The following PRH1 variants were observed in gnomAD, a reference collection of about 807,000 sequenced individuals.
PRH1 encodes proline rich protein HaeIII subfamily 1.
PRH1 carries 7 observed loss-of-function variants against 7.9 expected under a neutral mutation model. The ratio of observed to expected loss-of-function variants is 0.89; its 90% CI spans 0.50 to 1.67. PRH1 has a LOEUF of 1.67. PRH1 is among the 40% of genes most tolerant of loss of function. The pLI, the probability that PRH1 is intolerant of heterozygous loss-of-function variation, is 0.00. For synonymous variants in PRH1, 45 were observed against 80.8 expected (o/e 0.56, Z 2.38); for missense variants, 109 against 223.6 (o/e 0.49, Z 3.27).
intron 1 of PRH1, among the ~76,000 whole-genome samples, chr12:11,055,501 C>T (rs1056797069): frequency 1.3e-5 from 2 of 151,044 alleles, no homozygotes; most frequent in South Asian, 2.1e-4. Flanking sequence ...CAAGCAGGAA[C>T]GCACCGGGCC....
At chr12:11,130,640 A>C (rs1054191030) in intron 1 of PRH1, among the ~76,000 whole-genome samples, 5 of 119,166 alleles carry the variant, frequency 4.2e-5, no homozygotes, top group African/African-American at 1.4e-4. Flanking sequence ...GCATTATAGG[A>C]CTCTGTGCAT....
At chr12:10,931,230 T>A in intron 2 of PRH1, 2 of 1,468,908 alleles carry the variant, frequency 1.4e-6, no homozygotes, top group Non-Finnish European at 1.8e-6. Context: ...TGGGATAAGG[T>A]AGCAAGATCT....
chr12:11,146,854 G>C (rs1214304471), intron 1 of PRH1, among the ~76,000 whole-genome samples: 1 of 152,028 alleles, frequency 6.6e-6, no homozygotes, highest in Admixed American at 6.5e-5. Flanking sequence ...CTTATTATAA[G>C]ACAAATTACA....
At chr12:10,891,366 C>A (rs1007120417) in intron 2 of PRH1, 5 of 152,108 alleles carry the variant, frequency 3.3e-5, no homozygotes, top group Admixed American at 2.6e-4. Context: ...GAGAAGACAG[C>A]TAAATCTAAA....
chr12:11,110,267 T>A (rs1463897301), intron 1 of PRH1, among the ~76,000 whole-genome samples: 2 of 152,114 alleles, frequency 1.3e-5, no homozygotes, highest in African/African-American at 4.8e-5. Flanking sequence ...CCAGGAGAAC[T>A]TACCCAACTT....
chr12:11,046,172 A>G (rs1436040346), intron 1 of PRH1, among the ~76,000 whole-genome samples: 1 of 152,206 alleles, frequency 6.6e-6, no homozygotes, highest in Admixed American at 6.5e-5. Context: ...GGTAGAAACC[A>G]GAATGGACAA....
rs1946452560 is a variant in PRH1 at position 11,133,772 on chromosome 12, T to C, written n.40-12592A>G. The C allele has an allele frequency of 6.2e-7, 1 of 1,614,116 alleles. No homozygotes were observed. The highest frequency in any genetic ancestry group is 1.3e-5 in the African/African-American group (1 of 74,936). On this transcript the variant is annotated intron_variant and non_coding_transcript_variant, in intron 1 of 1. Transcript: ENST00000541175. ...GATCTTCCAAGTCACGTTTCCTTCA[T>C]ATTCTTTTGTCCATACAGTCTCATC...
At chr12:11,146,301 G>A (rs1440721532) in intron 1 of PRH1, among the ~76,000 whole-genome samples, 1 of 151,356 alleles carries the variant, frequency 6.6e-6, no homozygotes, top group Admixed American at 6.6e-5. Context: ...TGTTTCCCAG[G>A]CCCTTAGCAT....
At chr12:11,009,299 A>C (rs534008381) in intron 1 of PRH1, among the ~76,000 whole-genome samples, 47 of 151,844 alleles carry the variant, frequency 3.1e-4, no homozygotes, top group African/African-American at 1.1e-3. Context: ...TTTTAACATA[A>C]TCTACCTTTC....
chr12:10,889,771 T>C (rs1414357784), intron 2 of PRH1, among the ~76,000 whole-genome samples: 1 of 152,196 alleles, frequency 6.6e-6, no homozygotes, highest in Non-Finnish European at 1.5e-5. Flanking sequence ...CTGTCTTTCC[T>C]CCATCATTTT....
At chr12:10,947,533 G>C (rs945120675) in intron 2 of PRH1, among the ~76,000 whole-genome samples, 1 of 151,978 alleles carries the variant, frequency 6.6e-6, no homozygotes, top group Non-Finnish European at 1.5e-5. Context: ...CATTAAATTT[G>C]AGACGGGTCT....
At chr12:11,153,785 G>C (rs1947173240) in intron 1 of PRH1, among the ~76,000 whole-genome samples, 1 of 152,130 alleles carries the variant, frequency 6.6e-6, no homozygotes, top group Non-Finnish European at 1.5e-5. Flanking sequence ...AGACTTGTAA[G>C]ATTTTGTGAA....
chr12:11,126,700 A>G (rs1946141937), intron 1 of PRH1, among the ~76,000 whole-genome samples: 1 of 151,988 alleles, frequency 6.6e-6, no homozygotes, highest in Admixed American at 6.5e-5. Context: ...TAGGATTACA[A>G]TCCTAGAGTG....
intron 1 of PRH1, among the ~76,000 whole-genome samples, chr12:11,084,465 C>T (rs144649840): frequency 3.2e-5 from 4 of 125,358 alleles, no homozygotes; most frequent in Admixed American, 8.0e-5. Context: ...GATAAGGATA[C>T]AAATACTGGG....
intron 1 of PRH1, among the ~76,000 whole-genome samples, chr12:11,064,550 C>T (rs117430287): frequency 0.015 from 2,328 of 152,062 alleles, 19 homozygotes; most frequent in South Asian, 0.031. Context: ...TGCAAAATAT[C>T]CTCATAGACA....
At chr12:10,951,998 T>C (rs1249129439) in intron 2 of PRH1, among the ~76,000 whole-genome samples, 1 of 152,198 alleles carries the variant, frequency 6.6e-6, no homozygotes, top group Non-Finnish European at 1.5e-5. Flanking sequence ...GAATCTATTT[T>C]ACAACAGCCT....
At chr12:11,121,277 T>C (rs911639955) in intron 1 of PRH1, 8 of 152,250 alleles carry the variant, frequency 5.3e-5, no homozygotes, top group African/African-American at 1.9e-4. Flanking sequence ...ACGTTTCCTA[T>C]CATCAATATA....
At chr12:11,102,712 A>G (rs1392982865) in intron 1 of PRH1, among the ~76,000 whole-genome samples, 1 of 152,228 alleles carries the variant, frequency 6.6e-6, no homozygotes, top group Non-Finnish European at 1.5e-5. Flanking sequence ...TAAAATAAAG[A>G]GCTTCTGCAC....
At chr12:10,892,468 G>A (rs1164332602) in intron 2 of PRH1, among the ~76,000 whole-genome samples, 1 of 152,076 alleles carries the variant, frequency 6.6e-6, no homozygotes, top group African/African-American at 2.4e-5. Flanking sequence ...TGACATCAGG[G>A]ATGACACTAC....
Sources: gnomAD v4.1 joint callset for allele counts (sites outside exome capture counted in the v4.1 genomes callset) on GRCh38, gnomAD v4.1.1 for gene constraint, MANE v1.5 for transcripts, NCBI Gene and HGNC (gene_info 2026-07-23, HGNC 2026-07-21) for gene names.